CLSTN2: variants seen among roughly 807,000 people sequenced by gnomAD.
CLSTN2 encodes the protein calsyntenin 2.
A neutral mutation model predicts 101.2 loss-of-function variants in CLSTN2; 48 were observed. That is an observed-to-expected ratio of 0.47 (90% CI 0.38 to 0.60). CLSTN2 has a LOEUF of 0.60. CLSTN2 is among the 20% of genes least tolerant of loss of function. The pLI is 0.00. For missense variants in CLSTN2, 1,160 were observed against 1,238.2 expected (o/e 0.94, Z 0.95); for synonymous variants, 481 against 463.6 (o/e 1.04, Z -0.48).
intron 4 of CLSTN2, among the ~76,000 whole-genome samples, chr3:140,417,474 T>A (rs1050545834): frequency 6.6e-6 from 1 of 152,244 alleles, no homozygotes; most frequent in Non-Finnish European, 1.5e-5. Context: ...AGATAGGTTG[T>A]TCCCATTTAA....
chr3:140,345,997 C>T (rs2087543060), intron 2 of CLSTN2, among the ~76,000 whole-genome samples: 1 of 152,210 alleles, frequency 6.6e-6, no homozygotes, highest in South Asian at 2.1e-4. Flanking sequence ...CCATGCATGG[C>T]TTCCCATGCT....
intron 4 of CLSTN2, among the ~76,000 whole-genome samples, chr3:140,417,491 C>A (rs1369728678): frequency 6.6e-6 from 1 of 152,170 alleles, no homozygotes; most frequent in South Asian, 2.1e-4. Flanking sequence ...TTAAATTCTA[C>A]TAGAAGAGTG....
chr3:140,379,260 G>A (rs1268853511), intron 2 of CLSTN2, among the ~76,000 whole-genome samples: 3 of 152,186 alleles, frequency 2.0e-5, no homozygotes, highest in Non-Finnish European at 4.4e-5. Context: ...AGTGTTGGGT[G>A]CCAGCATGAC....
intron 1 of CLSTN2, among the ~76,000 whole-genome samples, chr3:140,096,592 G>T (rs779653245): frequency 1.3e-5 from 2 of 152,144 alleles, no homozygotes; most frequent in Non-Finnish European, 2.9e-5. Context: ...AATTCTTCTA[G>T]GTCATGAACC....
chr3:140,262,134 G>C (rs1166447871), intron 2 of CLSTN2, among the ~76,000 whole-genome samples: 1 of 152,160 alleles, frequency 6.6e-6, no homozygotes, highest in African/African-American at 2.4e-5. Context: ...CCTTGGCAGG[G>C]TTTTGTGTTT....
chr3:139,974,419 C>T (rs760357910), intron 1 of CLSTN2, among the ~76,000 whole-genome samples: 8 of 152,158 alleles, frequency 5.3e-5, no homozygotes, highest in Non-Finnish European at 1.2e-4. Context: ...TGTCAGTTGT[C>T]CTGCTCCAGG....
chr3:140,179,767 T>A lies in CLSTN2; in HGVS notation c.232+3694T>A, dbSNP rs578025526. Among the ~76,000 whole-genome samples, 74 of 152,270 alleles carry A rather than the reference T, an allele frequency of 4.9e-4. 1 individual carries two copies. Among genetic ancestry groups the A allele is most frequent in the Middle Eastern group, 6.8e-3 (2 of 294 alleles). The stretch of plus-strand genomic sequence containing the variant: ...TTTTAAATGACTACATGATTTCCTA[T>A]TTAATGAGTGTTCTAGAGTTTACCA... On this transcript the variant is annotated intron_variant, in intron 2 of 16. Transcript: ENST00000458420.
At chr3:140,127,516 G>A (rs1217427991) in intron 1 of CLSTN2, among the ~76,000 whole-genome samples, 1 of 152,090 alleles carries the variant, frequency 6.6e-6, no homozygotes, top group African/African-American at 2.4e-5. Context: ...CGACAGGGGC[G>A]GTGCACAACA....
intron 2 of CLSTN2, among the ~76,000 whole-genome samples, chr3:140,259,657 C>A (rs890717145): frequency 2.6e-5 from 4 of 152,008 alleles, no homozygotes; most frequent in African/African-American, 9.7e-5. Flanking sequence ...CCCATCTACC[C>A]GACAGGCAAC....
chr3:140,562,725 T>C, intron 13 of CLSTN2, 86 bp from the exon 14 acceptor site: 1 of 1,441,766 alleles, frequency 6.9e-7, no homozygotes, highest in South Asian at 1.3e-5. Context: ...CCATGAGGTC[T>C]TGTACCACAA....
intron 6 of CLSTN2, among the ~76,000 whole-genome samples, chr3:140,448,907 A>T (rs1432871900): frequency 1.3e-5 from 2 of 152,164 alleles, no homozygotes; most frequent in East Asian, 1.9e-4. Flanking sequence ...CTCAGACTCC[A>T]TTTATTAGTT....
At chr3:139,945,027 T>A (rs896287499) in intron 1 of CLSTN2, among the ~76,000 whole-genome samples, 7 of 152,204 alleles carry the variant, frequency 4.6e-5, no homozygotes, top group Non-Finnish European at 8.8e-5. Flanking sequence ...ACATTTGACT[T>A]ATTTCTATGG....
intron 1 of CLSTN2, among the ~76,000 whole-genome samples, chr3:140,112,385 C>A (rs1179779465): frequency 6.6e-6 from 1 of 151,592 alleles, no homozygotes; most frequent in Non-Finnish European, 1.5e-5. Context: ...TACTACACTC[C>A]AAATAATGAC....
chr3:140,460,085 G>A (rs79535171), intron 7 of CLSTN2, among the ~76,000 whole-genome samples: 2,574 of 152,284 alleles, frequency 0.017, 61 homozygotes, highest in African/African-American at 0.058. Flanking sequence ...GCTGCTATAA[G>A]TGAGATGGGG....
intron 8 of CLSTN2, among the ~76,000 whole-genome samples, chr3:140,504,120 G>A (rs1934636956): frequency 6.6e-6 from 1 of 152,196 alleles, no homozygotes; most frequent in African/African-American, 2.4e-5. Flanking sequence ...ACAAGGCTTT[G>A]CCAGGCAGTT....
intron 2 of CLSTN2, among the ~76,000 whole-genome samples, chr3:140,387,664 C>T (rs987241483): frequency 6.6e-6 from 1 of 152,200 alleles, no homozygotes; most frequent in Non-Finnish European, 1.5e-5. Context: ...AAACATCACA[C>T]ATTTTCTTAG....
chr3:140,326,964 C>T (rs977884272), intron 2 of CLSTN2, among the ~76,000 whole-genome samples: 2 of 151,970 alleles, frequency 1.3e-5, no homozygotes, highest in African/African-American at 4.8e-5. Flanking sequence ...ACTGTTTGCC[C>T]TGAAGAATAA....
intron 10 of CLSTN2, among the ~76,000 whole-genome samples, chr3:140,551,893 A>C (rs1935711242): frequency 6.6e-6 from 1 of 151,244 alleles, no homozygotes; most frequent in Non-Finnish European, 1.5e-5. Flanking sequence ...ATAGACTCTC[A>C]ACAAATTATA....
At chr3:140,169,599 G>A (rs1000416547) in intron 1 of CLSTN2, among the ~76,000 whole-genome samples, 5 of 152,006 alleles carry the variant, frequency 3.3e-5, no homozygotes, top group African/African-American at 1.2e-4. Flanking sequence ...TTAGCTATAG[G>A]TTTTTGTAAA....
Sources: allele counts gnomAD v4.1 joint callset (sites outside exome capture counted in the v4.1 genomes callset), GRCh38; gene constraint gnomAD v4.1.1; transcripts MANE v1.5; gene names NCBI Gene and HGNC (gene_info 2026-07-23, HGNC 2026-07-21).